RBPMS: variants seen among roughly 807,000 people sequenced by gnomAD.
RBPMS encodes RNA-binding protein with multiple splicing.
Under a neutral mutation model 26.8 loss-of-function variants are expected in RBPMS, and 7 were observed. The ratio of observed to expected loss-of-function variants is 0.26; its 90% CI spans 0.15 to 0.49. RBPMS has a LOEUF of 0.49. Ranked by LOEUF, RBPMS falls within the 20% of genes least tolerant of loss-of-function variation. The pLI is 0.98. For missense variants in RBPMS, 186 were observed against 250.0 expected (o/e 0.74, Z 1.73); for synonymous variants, 96 against 93.3 (o/e 1.03, Z -0.17).
At position 30,554,174 on chromosome 8, in the gene RBPMS, G is replaced by T. The variant is rs114081474; in HGVS notation, c.529-4713G>T. Among the ~76,000 whole-genome samples, 1,055 of 152,358 alleles carry T rather than the reference G, an allele frequency of 6.9e-3. 8 individuals are homozygous for T. Among genetic ancestry groups the T allele is most frequent in the African/African-American group, 0.022 (927 of 41,580 alleles). The stretch of plus-strand genomic sequence containing the variant: ...ATTCAGGTACAGCATCTGCACTAGG[G>T]AAGGTGAGAGAAAATCTGTAGCTGC... On this transcript the variant is annotated intron_variant, in intron 6 of 8. Transcript: ENST00000397323.
intron 1 of RBPMS, among the ~76,000 whole-genome samples, chr8:30,390,123 A>G (rs1807616661): frequency 6.6e-6 from 1 of 152,240 alleles, no homozygotes; most frequent in African/African-American, 2.4e-5. Context: ...ATTACAGATC[A>G]TTGCTATTTA....
At chr8:30,495,192 CAT>C (rs1432807546) in intron 4 of RBPMS, among the ~76,000 whole-genome samples, 1 of 151,662 alleles carries the variant, frequency 6.6e-6, no homozygotes, top group Non-Finnish European at 1.5e-5. Flanking sequence ...GACATGGAAA[CAT>C]ATTCCTGTCT....
rs1554543769 is a variant in RBPMS, at chr8:30,549,742, C to CTTTCTTTCCTTTCCT, written c.528+5130_528+5131insCCTTTTCTTTCCTTT. Among the ~76,000 whole-genome samples the CTTTCTTTCCTTTCCT allele has an allele frequency of 9.0e-3, 1,299 of 144,024 alleles. 21 individuals are homozygous for CTTTCTTTCCTTTCCT. Among genetic ancestry groups the CTTTCTTTCCTTTCCT allele is most frequent in the African/African-American group, 0.03 (1,126 of 37,360 alleles). 94.5% of individuals were successfully genotyped at this position (144,024 alleles called of 152,430 possible). On this transcript the variant is annotated intron_variant, in intron 6 of 8. Transcript: ENST00000397323. The stretch of plus-strand genomic sequence containing the variant: ...CTGGAGGCGATTTCTTTCTTTCTTT[C>CTTTCTTTCCTTTCCT]TTTCTTTCCTTTTCTTTTCTTTTCT...
At chr8:30,533,983 A>C (rs1306190460) in intron 5 of RBPMS, among the ~76,000 whole-genome samples, 2 of 152,044 alleles carry the variant, frequency 1.3e-5, no homozygotes, top group Non-Finnish European at 2.9e-5. Flanking sequence ...AAATATAAAA[A>C]ATTAGCTGGG....
chr8:30,550,725 G>A (rs1239304914), intron 6 of RBPMS, among the ~76,000 whole-genome samples: 1 of 152,180 alleles, frequency 6.6e-6, no homozygotes, highest in Admixed American at 6.5e-5. Context: ...CACAGCTTAC[G>A]CCAGCACTGG....
chr8:30,431,355 TTC>T (rs1255677257), intron 1 of RBPMS, among the ~76,000 whole-genome samples: 3 of 65,068 alleles, frequency 4.6e-5, no homozygotes, highest in African/African-American at 6.4e-5. Flanking sequence ...TTTTTTTTCT[TTC>T]TCTTTCTTTC....
At chr8:30,533,566 T>C (rs1824468970) in intron 5 of RBPMS, among the ~76,000 whole-genome samples, 1 of 152,188 alleles carries the variant, frequency 6.6e-6, no homozygotes, top group African/African-American at 2.4e-5. Flanking sequence ...AAAAGACTTT[T>C]CATATTCAAG....
intron 4 of RBPMS, among the ~76,000 whole-genome samples, chr8:30,493,504 G>T (rs139859295): frequency 6.6e-6 from 1 of 152,206 alleles, no homozygotes; most frequent in Non-Finnish European, 1.5e-5. Flanking sequence ...TACCAGAGCA[G>T]TTGACCTGCT....
chr8:30,528,107 A>G (rs1318193872), intron 5 of RBPMS, among the ~76,000 whole-genome samples: 1 of 152,060 alleles, frequency 6.6e-6, no homozygotes, highest in Non-Finnish European at 1.5e-5. Flanking sequence ...CCCGGGAGGC[A>G]GAGGTTGCAG....
intron 1 of RBPMS, among the ~76,000 whole-genome samples, chr8:30,387,492 C>A (rs75214510): frequency 0.034 from 5,194 of 152,232 alleles, 309 homozygotes; most frequent in African/African-American, 0.12. Context: ...ACTGCACTGA[C>A]CCTTTCCCTG....
At chr8:30,412,841 A>G (rs1809609873) in intron 1 of RBPMS, among the ~76,000 whole-genome samples, 1 of 152,246 alleles carries the variant, frequency 6.6e-6, no homozygotes, top group South Asian at 2.1e-4. Context: ...ATAGTATGTA[A>G]ACATGGACAT....
chr8:30,451,861 T>TC (rs1247338479), intron 1 of RBPMS, among the ~76,000 whole-genome samples: 5 of 152,324 alleles, frequency 3.3e-5, no homozygotes, highest in Admixed American at 6.5e-5. Flanking sequence ...ACAGTGTTAT[T>TC]CCAGGCATTG....
chr8:30,390,839 C>A (rs1807712927), intron 1 of RBPMS, among the ~76,000 whole-genome samples: 1 of 152,188 alleles, frequency 6.6e-6, no homozygotes, highest in African/African-American at 2.4e-5. Flanking sequence ...CCTCTGCACA[C>A]ATCCACACTT....
intron 5 of RBPMS, chr8:30,537,590 A>G (rs749412480): frequency 4.4e-6 from 2 of 456,284 alleles, no homozygotes; most frequent in Non-Finnish European, 8.8e-6. Context: ...GGTGGAGCTA[A>G]TGAACATGGA....
chr8:30,482,231 A>G (rs768632211), intron 4 of RBPMS, among the ~76,000 whole-genome samples: 4 of 152,220 alleles, frequency 2.6e-5, no homozygotes, highest in African/African-American at 4.8e-5. Context: ...GCTTGTAGCC[A>G]TTACAGAATT....
chr8:30,497,119 T>C (rs535834298), intron 4 of RBPMS, among the ~76,000 whole-genome samples: 1 of 152,358 alleles, frequency 6.6e-6, no homozygotes, highest in African/African-American at 2.4e-5. Context: ...AGAAACAGTT[T>C]ATATTCCTAA....
chr8:30,463,580 T>C (rs1041321061), intron 1 of RBPMS, among the ~76,000 whole-genome samples: 9 of 152,246 alleles, frequency 5.9e-5, no homozygotes, highest in African/African-American at 2.2e-4. Context: ...AGTCATACAC[T>C]GTCACTTCTG....
intron 4 of RBPMS, among the ~76,000 whole-genome samples, chr8:30,482,263 C>A (rs773735653): frequency 7.2e-5 from 11 of 152,136 alleles, no homozygotes; most frequent in Non-Finnish European, 1.3e-4. Context: ...TGTCATCTGT[C>A]CAGGGTTCTC....
intron 1 of RBPMS, among the ~76,000 whole-genome samples, chr8:30,387,780 C>T (rs1807286691): frequency 6.6e-6 from 1 of 152,098 alleles, no homozygotes. Context: ...TTTCTAGTTT[C>T]GAAACGAATT....
Sources: gnomAD v4.1 joint callset for allele counts (sites outside exome capture counted in the v4.1 genomes callset) on GRCh38, gnomAD v4.1.1 for gene constraint, MANE v1.5 for transcripts, NCBI Gene and HGNC (gene_info 2026-07-23, HGNC 2026-07-21) for gene names.